Variants in SPATA9 observed in about 807,000 individuals in gnomAD.
SPATA9 encodes the protein spermatogenesis associated 9.
In SPATA9, 27 loss-of-function variants were observed where a neutral mutation model predicts 25.5. The ratio of observed to expected loss-of-function variants is 1.06; its 90% CI spans 0.78 to 1.46. The LOEUF is 1.46. Among genes scored for constraint, SPATA9 ranks in the 40% most tolerant of loss-of-function variants. SPATA9 has a pLI of 0.00. For missense variants in SPATA9, 282 were observed against 297.5 expected (o/e 0.95, Z 0.38); for synonymous variants, 102 against 105.7 (o/e 0.97, Z 0.21).
chr5:95,728,999 A>G, the SPATA9 span, among the ~76,000 whole-genome samples: 1 of 152,214 alleles, frequency 6.6e-6, no homozygotes, highest in African/African-American at 2.4e-5. Context: ...GTTACCCTAT[A>G]TGGTCTAAAA....
rs1329299683 is a variant in SPATA9 at position 95,658,746 on chromosome 5, C to CCT, written c.640_641dup (p.Ser215GlyfsTer37). ...AAATGTCTGGCTTCTCCGGCAATGACCTATAAGGTTTTGCTTTGATTTCAC... is the reference window on the plus strand; with the variant it reads ...AAATGTCTGGCTTCTCCGGCAATGACCTCTATAAGGTTTTGCTTTGATTTCAC... On this transcript the variant is annotated frameshift_variant, in exon 5 of 5. Transcript: ENST00000274432. LOFTEE classifies it high-confidence loss of function. 1 of 1,613,826 alleles carries CCT rather than the reference C, an allele frequency of 6.2e-7. No homozygotes were observed. Among genetic ancestry groups the CCT allele is most frequent in the Admixed American group, 1.7e-5 (1 of 59,978 alleles).
the SPATA9 span, chr5:95,708,773 C>A: frequency 4.8e-6 from 3 of 622,380 alleles, no homozygotes; most frequent in African/African-American, 1.8e-5. Context: ...GCACATAGAT[C>A]GACTGCAAAG....
At chr5:95,713,060 G>A in the SPATA9 span, among the ~76,000 whole-genome samples, 1 of 152,152 alleles carries the variant, frequency 6.6e-6, no homozygotes, top group East Asian at 1.9e-4. Context: ...GATTATGCAT[G>A]CATACATTTG....
At chr5:95,714,958 T>C in the SPATA9 span, among the ~76,000 whole-genome samples, 1 of 152,236 alleles carries the variant, frequency 6.6e-6, no homozygotes, top group African/African-American at 2.4e-5. Context: ...TATTAATTCA[T>C]AGACTTAATG....
the SPATA9 span, among the ~76,000 whole-genome samples, chr5:95,723,910 C>T: frequency 6.6e-6 from 1 of 152,108 alleles, no homozygotes; most frequent in Non-Finnish European, 1.5e-5. Flanking sequence ...AGCACACTCC[C>T]AAGGGCTATA....
chr5:95,728,803 A>G, the SPATA9 span, among the ~76,000 whole-genome samples: 1 of 152,222 alleles, frequency 6.6e-6, no homozygotes, highest in Non-Finnish European at 1.5e-5. Context: ...TACAGGTCAC[A>G]AAGACCTTGC....
At chr5:95,697,727 T>G (rs1174364470) in intron 1 of SPATA9, among the ~76,000 whole-genome samples, 1 of 152,210 alleles carries the variant, frequency 6.6e-6, no homozygotes, top group Non-Finnish European at 1.5e-5. Flanking sequence ...CATTTATCAT[T>G]GGCAATAAAC....
rs144698162 is a variant in SPATA9, at chr5:95,658,855, G to A, written c.533C>T (p.Ser178Phe). The change falls in exon 5 of 5, where the codon TCC becomes TTC. Residue 178 changes from serine (S) to phenylalanine (F), a missense_variant. Ser to Phe is a radical substitution (Grantham distance 155). Coordinates refer to ENST00000274432, the MANE Select transcript of SPATA9 (RefSeq NM_031952.4). ...ACTCTCCTCTCTGTTTTGCCTTATG[G>A]ATTCTTCTTCCTGGAAGATGTTCTT... ...KVKNIFQEEE[S>F]IRQNREESEN... 2 of 1,613,720 alleles carry A rather than the reference G, an allele frequency of 1.2e-6. No homozygotes were observed. The highest frequency in any genetic ancestry group is 1.7e-6 in the Non-Finnish European group (2 of 1,179,880).
chr5:95,694,677 G>T (rs1216193934), intron 1 of SPATA9, among the ~76,000 whole-genome samples: 2 of 152,254 alleles, frequency 1.3e-5, no homozygotes, highest in East Asian at 3.9e-4. Context: ...TCATCTTAGA[G>T]ATTTCTCAAT....
At chr5:95,708,687 A>T in the SPATA9 span, 1 of 695,686 alleles carries the variant, frequency 1.4e-6, no homozygotes, top group South Asian at 1.5e-5. Context: ...ATCCTGCTGC[A>T]AGGTTGACAC....
chr5:95,712,714 C>A, the SPATA9 span, among the ~76,000 whole-genome samples: 1 of 152,136 alleles, frequency 6.6e-6, no homozygotes, highest in Non-Finnish European at 1.5e-5. Context: ...ACCTGAGGCC[C>A]CAGACATCAT....
At chr5:95,698,012 A>C (rs1235847094) in intron 1 of SPATA9, among the ~76,000 whole-genome samples, 1 of 152,158 alleles carries the variant, frequency 6.6e-6, no homozygotes, top group Non-Finnish European at 1.5e-5. Flanking sequence ...CTTCATATTT[A>C]ATTACATGGA....
At chr5:95,691,215 C>A (rs1306430458) in intron 1 of SPATA9, among the ~76,000 whole-genome samples, 27 of 139,112 alleles carry the variant, frequency 1.9e-4, no homozygotes, top group Admixed American at 2.1e-4. Flanking sequence ...GACTCCGTCT[C>A]AAAAAAAAAA....
chr5:95,683,837 G>C (rs1233159820), upstream of SPATA9, among the ~76,000 whole-genome samples: 1 of 152,076 alleles, frequency 6.6e-6, no homozygotes, highest in Non-Finnish European at 1.5e-5. Context: ...ACGCCCGGCC[G>C]ACAGCCTAGT....
At chr5:95,675,687 A>G (rs543177768) in intron 2 of SPATA9, 48 bp from the exon 3 acceptor site, 3 of 1,534,624 alleles carry the variant, frequency 2.0e-6, no homozygotes, top group Non-Finnish European at 2.7e-6. Flanking sequence ...TCTCCAGTGC[A>G]TTATTAAAAC....
the SPATA9 span, among the ~76,000 whole-genome samples, chr5:95,721,492 T>G: frequency 5.3e-5 from 8 of 150,248 alleles, no homozygotes; most frequent in African/African-American, 2.0e-4. Flanking sequence ...GGGCAGGGGG[T>G]TTGGATCTGG....
chr5:95,689,022 A>G (rs543085487), intron 1 of SPATA9, among the ~76,000 whole-genome samples: 87 of 152,348 alleles, frequency 5.7e-4, no homozygotes, highest in Non-Finnish European at 1.2e-3. Flanking sequence ...AGACACACAT[A>G]TAAATACACA....
the SPATA9 span, among the ~76,000 whole-genome samples, chr5:95,729,626 C>T: frequency 6.6e-6 from 1 of 152,160 alleles, no homozygotes; most frequent in Admixed American, 6.5e-5. Context: ...ATCTCTGTAA[C>T]TTTTTCTTCC....
intron 3 of SPATA9, 83 bp downstream of exon 3, chr5:95,675,329 T>C: frequency 9.0e-7 from 1 of 1,116,470 alleles, no homozygotes; most frequent in Non-Finnish European, 1.3e-6. Flanking sequence ...GACAATCAAG[T>C]TCACCACATT....
Sources: allele counts gnomAD v4.1 joint callset (sites outside exome capture counted in the v4.1 genomes callset), GRCh38; gene constraint gnomAD v4.1.1; transcripts MANE v1.5; gene names NCBI Gene and HGNC (gene_info 2026-07-23, HGNC 2026-07-21).